Variants in MPHOSPH6 observed in about 807,000 individuals in gnomAD.
MPHOSPH6 encodes M-phase phosphoprotein 6.
A neutral mutation model predicts 21.8 loss-of-function variants in MPHOSPH6; 25 were observed. The observed-to-expected ratio is 1.15, with a 90% CI of 0.83 to 1.60. MPHOSPH6 has a LOEUF of 1.60. MPHOSPH6 is among the 40% of genes most tolerant of loss of function. The pLI is 0.00. For synonymous variants in MPHOSPH6, 84 were observed against 56.5 expected (o/e 1.49, Z -2.18); for missense variants, 269 against 181.8 (o/e 1.48, Z -2.76).
chr16:82,161,830 A>G (rs1375188140), intron 2 of MPHOSPH6, among the ~76,000 whole-genome samples: 1 of 152,216 alleles, frequency 6.6e-6, no homozygotes, highest in African/African-American at 2.4e-5. Context: ...GCCACTGGCT[A>G]AAAGTGTCCC....
chr16:82,150,256 A>G (rs1003588552), intron 3 of MPHOSPH6, among the ~76,000 whole-genome samples: 4 of 152,084 alleles, frequency 2.6e-5, no homozygotes, highest in East Asian at 1.9e-4. Flanking sequence ...TGCAGCAGAC[A>G]TACTTTGGAA....
intron 2 of MPHOSPH6, among the ~76,000 whole-genome samples, chr16:82,154,522 T>C (rs1268418581): frequency 1.3e-5 from 2 of 152,126 alleles, no homozygotes; most frequent in South Asian, 2.1e-4. Flanking sequence ...AAATGGACTT[T>C]AGAATAGTTA....
chr16:82,150,096 T>C (rs1906216630), intron 3 of MPHOSPH6, among the ~76,000 whole-genome samples: 1 of 152,158 alleles, frequency 6.6e-6, no homozygotes, highest in African/African-American at 2.4e-5. Flanking sequence ...AACTAGTTTT[T>C]CTAAGGCTTA....
intron 4 of MPHOSPH6, 33 bp downstream of exon 4, chr16:82,149,276 C>T: frequency 1.2e-6 from 2 of 1,601,472 alleles, no homozygotes; most frequent in South Asian, 1.1e-5. Flanking sequence ...AATGCTAGGT[C>T]CAGATTAGAA....
chr16:82,149,819 T>TTGG (rs963941456), intron 3 of MPHOSPH6, among the ~76,000 whole-genome samples: 1 of 152,054 alleles, frequency 6.6e-6, no homozygotes, highest in Non-Finnish European at 1.5e-5. Context: ...AATGCATCTC[T>TTGG]TGGTGGTGGT....
chr16:82,155,895 A>G (rs892241838), intron 2 of MPHOSPH6, among the ~76,000 whole-genome samples: 1 of 147,558 alleles, frequency 6.8e-6, no homozygotes, highest in African/African-American at 2.5e-5. Context: ...ACAGAGTGAC[A>G]CTCTGTCTCA....
chr16:82,164,359 A>T (rs544701906), intron 1 of MPHOSPH6, among the ~76,000 whole-genome samples, 165 bp from the exon 2 acceptor site: 3 of 152,346 alleles, frequency 2.0e-5, no homozygotes, highest in African/African-American at 7.2e-5. Flanking sequence ...CTACCCTTCC[A>T]ACTTTACACT....
rs113728265 is a variant in MPHOSPH6 at position 82,151,179 on chromosome 16, T to C, written c.255+245A>G. On this transcript the variant is annotated intron_variant, in intron 3 of 4. Coordinates refer to ENST00000258169, the MANE Select transcript of MPHOSPH6 (RefSeq NM_005792.2). Reference sequence around the variant, plus strand: ...CTGTAAAAGACACAACTTGAAATTTTAATATTTATGGTGGCTCTGTCAAGG... The same window carrying C: ...CTGTAAAAGACACAACTTGAAATTTCAATATTTATGGTGGCTCTGTCAAGG... 2,281 of 283,414 alleles carry C rather than the reference T, an allele frequency of 8.0e-3. 57 individuals carry two copies. Among genetic ancestry groups the C allele is most frequent in the African/African-American group, 0.047 (2,136 of 45,820 alleles). The allele number at this position is 283,414 out of a possible 1,614,324, so 17.6% of individuals were successfully genotyped here.
At position 82,159,984 on chromosome 16, in the gene MPHOSPH6, T is replaced by A. The variant is rs138030740; in HGVS notation, c.164+4098A>T. On this transcript the variant is annotated intron_variant, in intron 2 of 4. Transcript: ENST00000258169. ...TCAATTCCAAAGTAAATCATCTCTC[T>A]CAGGAAAGCACCATACATCAAAGCT... Among the ~76,000 whole-genome samples, 267 of 152,238 alleles carry A rather than the reference T, an allele frequency of 1.8e-3. 2 individuals carry two copies. Among genetic ancestry groups the A allele is most frequent in the Non-Finnish European group, 1.8e-3 (121 of 68,014 alleles).
At chr16:82,158,498 C>CAAAAAAAA (rs3037959) in intron 2 of MPHOSPH6, among the ~76,000 whole-genome samples, 1 of 81,504 alleles carries the variant, frequency 1.2e-5, no homozygotes, top group African/African-American at 4.6e-5. Flanking sequence ...GACTCCGTCT[C>CAAAAAAAA]AAAAAAAAAA....
Position 82,169,589 on chromosome 16 carries a change from C to T in MPHOSPH6, c.51+536G>A, listed in dbSNP as rs139087980. On this transcript the variant is annotated intron_variant, in intron 1 of 4. Transcript: ENST00000258169. ...CCCCCTCTCTCCATACACATATATA[C>T]ACATATACATCTTGTTGATTCTGTT... Among the ~76,000 whole-genome samples, 241 of 152,306 alleles carry T rather than the reference C, an allele frequency of 1.6e-3. 1 individual carries two copies. Among genetic ancestry groups the T allele is most frequent in the Middle Eastern group, 3.4e-3 (1 of 292 alleles).
chr16:82,151,393 AT>A (rs747483719), intron 3 of MPHOSPH6, 30 bp downstream of exon 3: 1 of 1,599,492 alleles, frequency 6.3e-7, no homozygotes, highest in Non-Finnish European at 8.5e-7. Flanking sequence ...AATTGGAAAA[AT>A]TTTTAATTTG....
chr16:82,169,967 A>C, intron 1 of MPHOSPH6, 158 bp downstream of exon 1: 1 of 819,426 alleles, frequency 1.2e-6, no homozygotes, highest in Non-Finnish European at 1.8e-6. Flanking sequence ...CCCAGTAAAC[A>C]GTGCAGAGCA....
chr16:82,160,258 C>G (rs943644346), intron 2 of MPHOSPH6, among the ~76,000 whole-genome samples: 2 of 152,138 alleles, frequency 1.3e-5, no homozygotes, highest in Non-Finnish European at 2.9e-5. Flanking sequence ...TTTTAATTAT[C>G]CAATTTTCAT....
chr16:82,156,654 A>G (rs549558229), intron 2 of MPHOSPH6, among the ~76,000 whole-genome samples: 1 of 152,384 alleles, frequency 6.6e-6, no homozygotes, highest in South Asian at 2.1e-4. Flanking sequence ...AAAGTGTAAA[A>G]TCATAGAACA....
intron 1 of MPHOSPH6, among the ~76,000 whole-genome samples, chr16:82,169,610 C>G (rs1397336334): frequency 1.3e-5 from 2 of 152,152 alleles, no homozygotes; most frequent in Non-Finnish European, 2.9e-5. Flanking sequence ...CTTGTTGATT[C>G]TGTTTCTCTG....
At chr16:82,150,431 A>G (rs552857305) in intron 3 of MPHOSPH6, among the ~76,000 whole-genome samples, 1 of 152,338 alleles carries the variant, frequency 6.6e-6, no homozygotes, top group South Asian at 2.1e-4. Context: ...CACTTCTAAC[A>G]TAACACCTTA....
intron 3 of MPHOSPH6, 154 bp downstream of exon 3, chr16:82,151,270 A>G: frequency 1.8e-6 from 2 of 1,128,034 alleles, no homozygotes; most frequent in South Asian, 1.5e-5. Flanking sequence ...AATGCCTCCA[A>G]TTTCTTTAAA....
chr16:82,152,627 T>C (rs1039841606), intron 2 of MPHOSPH6, among the ~76,000 whole-genome samples: 5 of 152,090 alleles, frequency 3.3e-5, no homozygotes, highest in African/African-American at 1.2e-4. Flanking sequence ...AGAACCAAAA[T>C]CATGCTAGAG....
Sources: allele counts gnomAD v4.1 joint callset (sites outside exome capture counted in the v4.1 genomes callset), GRCh38; gene constraint gnomAD v4.1.1; transcripts MANE v1.5; gene names NCBI Gene and HGNC (gene_info 2026-07-23, HGNC 2026-07-21).